MYT1L: variants seen among roughly 807,000 people sequenced by gnomAD.
The protein encoded by MYT1L is myelin transcription factor 1 like.
Under a neutral mutation model 126.7 loss-of-function variants are expected in MYT1L, and 12 were observed. The observed-to-expected ratio is 0.09, with a 90% CI of 0.06 to 0.15. The LOEUF is 0.15. MYT1L is among the 10% of genes least tolerant of loss of function. The pLI, the probability that MYT1L is intolerant of heterozygous loss-of-function variation, is 1.00. For synonymous variants in MYT1L, 541 were observed against 604.2 expected (o/e 0.90, Z 1.53); for missense variants, 979 against 1,585.2 (o/e 0.62, Z 6.49).
chr2:1,937,724 A>G (rs2056155591), intron 9 of MYT1L, among the ~76,000 whole-genome samples: 1 of 151,704 alleles, frequency 6.6e-6, no homozygotes, highest in Non-Finnish European at 1.5e-5. Context: ...AGAAGGCCCT[A>G]ACGTCCACAG....
At chr2:1,927,144 G>A (rs1259765994) in intron 9 of MYT1L, among the ~76,000 whole-genome samples, 1 of 152,184 alleles carries the variant, frequency 6.6e-6, no homozygotes, top group Non-Finnish European at 1.5e-5. Context: ...TACCGCACTG[G>A]CACGGAAATC....
intron 3 of MYT1L, among the ~76,000 whole-genome samples, chr2:2,118,964 G>A (rs540348291): frequency 2.2e-4 from 33 of 152,392 alleles, no homozygotes; most frequent in African/African-American, 7.0e-4. Context: ...GACAGCGTGC[G>A]CCAGGGCGCA....
chr2:2,016,472 G>C (rs901070164), intron 4 of MYT1L, among the ~76,000 whole-genome samples: 1 of 152,142 alleles, frequency 6.6e-6, no homozygotes, highest in African/African-American at 2.4e-5. Flanking sequence ...TCTCACAGCC[G>C]CCATGGCACT....
chr2:2,151,003 A>G (rs1411977371), intron 3 of MYT1L, among the ~76,000 whole-genome samples: 1 of 152,278 alleles, frequency 6.6e-6, no homozygotes, highest in East Asian at 1.9e-4. Flanking sequence ...GAAAACTGTC[A>G]GTTAGGATGT....
Position 1,910,390 on chromosome 2 carries a change from C to A in MYT1L, c.1710-43G>T. ...GGGTTGAATGGTCCCGCCTCAAACA[C>A]CTTCACAGCACACTAATCCTCCCTT... On this transcript the variant is annotated intron_variant, in intron 12 of 24. Coordinates refer to ENST00000647738, the MANE Select transcript of MYT1L (RefSeq NM_001303052.2). This position sits in a 1 kb window ranked among gnomAD's most constrained non-coding sequence, Gnocchi z 4.8. 6.6e-7 allele frequency: 1 copy of A among 1,525,896 alleles called. No individual in the cohort carries two copies. The allele number at this position is 1,525,896 out of a possible 1,614,324, so 94.5% of individuals were successfully genotyped here.
chr2:2,121,040 C>T (rs1411775961), intron 3 of MYT1L, among the ~76,000 whole-genome samples: 2 of 152,150 alleles, frequency 1.3e-5, no homozygotes, highest in African/African-American at 2.4e-5. Context: ...GACCCTTGCT[C>T]GGCGGAAGTC....
chr2:2,077,870 A>T (rs2075389091), intron 3 of MYT1L, among the ~76,000 whole-genome samples: 1 of 152,228 alleles, frequency 6.6e-6, no homozygotes, highest in African/African-American at 2.4e-5. Flanking sequence ...GAAAATACAG[A>T]GCAGTGGTGA....
chr2:2,159,740 C>T (rs190122428), intron 3 of MYT1L, among the ~76,000 whole-genome samples: 166 of 152,104 alleles, frequency 1.1e-3, no homozygotes, highest in Admixed American at 2.2e-3. Flanking sequence ...CAGCCTTCGG[C>T]CCAGATAACC....
chr2:1,887,469 C>G lies in MYT1L; in HGVS notation c.2642+19G>C. On this transcript the variant is annotated intron_variant, in intron 17 of 24. Transcript: ENST00000647738. The surrounding 1 kb of genome is among the most constrained non-coding windows in gnomAD (Gnocchi z 4.8). ...GGAAGATTAAGAAGATTCATAATTT[C>G]ACCTCACAGCATGCTTACGTTATTA... 1 of 1,613,628 alleles carries G rather than the reference C, an allele frequency of 6.2e-7. No individual in the cohort carries two copies. The highest frequency in any genetic ancestry group is 8.5e-7 in the Non-Finnish European group (1 of 1,179,792).
intron 4 of MYT1L, among the ~76,000 whole-genome samples, chr2:2,010,558 C>G (rs989303469): frequency 1.3e-5 from 2 of 151,916 alleles, no homozygotes; most frequent in Non-Finnish European, 2.9e-5. Flanking sequence ...GATCAAGTCT[C>G]GGTATCTTCT....
chr2:2,263,078 A>G (rs2095029617), intron 2 of MYT1L, among the ~76,000 whole-genome samples: 1 of 151,122 alleles, frequency 6.6e-6, no homozygotes, highest in East Asian at 2.0e-4. Context: ...TATAAAACAC[A>G]TTGAAACTAA....
At position 2,228,099 on chromosome 2, in the gene MYT1L, C is replaced by A. The variant is rs1445934585; in HGVS notation, c.-420-55111G>T. On this transcript the variant is annotated intron_variant, in intron 2 of 24. Transcript: ENST00000647738. This position sits in a 1 kb window ranked among gnomAD's most constrained non-coding sequence, Gnocchi z 5.9. Reference sequence around the variant, plus strand: ...GAATATAAGTTTGTTGATGTTCAGACCATGTATATCTCTATGCAAGGATTA... The same window carrying A: ...GAATATAAGTTTGTTGATGTTCAGAACATGTATATCTCTATGCAAGGATTA... Among the ~76,000 whole-genome samples the A allele has an allele frequency of 1.3e-5, 2 of 152,142 alleles. No homozygotes were observed. Among genetic ancestry groups the A allele is most frequent in the African/African-American group, 4.8e-5 (2 of 41,426 alleles).
chr2:1,999,778 T>A (rs1462475799), intron 4 of MYT1L, among the ~76,000 whole-genome samples: 1 of 152,212 alleles, frequency 6.6e-6, no homozygotes, highest in Non-Finnish European at 1.5e-5. Flanking sequence ...CATTTTGCAA[T>A]CAGCTAATAT....
At chr2:1,993,867 G>C (rs1391799593) in intron 5 of MYT1L, among the ~76,000 whole-genome samples, 3 of 152,166 alleles carry the variant, frequency 2.0e-5, no homozygotes, top group African/African-American at 7.2e-5. Context: ...CCCAGGGAGG[G>C]TAAGCGTTCT....
At chr2:1,819,040 T>C (rs7595248) in intron 21 of MYT1L, among the ~76,000 whole-genome samples, 15,228 of 151,960 alleles carry the variant, frequency 0.1, 1,402 homozygotes, top group African/African-American at 0.24. Context: ...CTGGGGTGCA[T>C]GTCCACCTGC....
chr2:1,973,215 G>A (rs1219325206), intron 8 of MYT1L, among the ~76,000 whole-genome samples: 2 of 152,156 alleles, frequency 1.3e-5, no homozygotes, highest in Non-Finnish European at 2.9e-5. Context: ...CATTCCAAAT[G>A]TCTTAGCATG....
At chr2:2,216,010 CTCTT>C (rs1335790687) in intron 2 of MYT1L, among the ~76,000 whole-genome samples, 2 of 151,852 alleles carry the variant, frequency 1.3e-5, no homozygotes, top group Admixed American at 6.6e-5. Context: ...ACCTTCTCTC[CTCTT>C]TCTCTCTCTC....
intron 3 of MYT1L, among the ~76,000 whole-genome samples, chr2:2,063,736 C>T (rs560528164): frequency 2.6e-5 from 4 of 152,150 alleles, no homozygotes; most frequent in South Asian, 2.1e-4. Context: ...CCCAGCTACT[C>T]GGTATGCTGA....
chr2:2,193,486 C>CT (rs1183091951), intron 2 of MYT1L, among the ~76,000 whole-genome samples: 1 of 152,172 alleles, frequency 6.6e-6, no homozygotes. Flanking sequence ...AGGATTTGGG[C>CT]TTTTTGGCTT....
Sources: allele counts gnomAD v4.1 joint callset (sites outside exome capture counted in the v4.1 genomes callset), GRCh38; gene constraint gnomAD v4.1.1; non-coding constraint Gnocchi (gnomAD v3.1); transcripts MANE v1.5; gene names NCBI Gene and HGNC (gene_info 2026-07-23, HGNC 2026-07-21).